The following TCF7L1 variants were observed in gnomAD, a reference collection of about 807,000 sequenced individuals.
TCF7L1 encodes transcription factor 7-like 1.
Under a neutral mutation model 63.7 loss-of-function variants are expected in TCF7L1, and 18 were observed. The ratio of observed to expected loss-of-function variants is 0.28; its 90% confidence interval spans 0.20 to 0.42. TCF7L1 has a LOEUF of 0.42. TCF7L1 is among the 10% of genes least tolerant of loss of function. The pLI is 1.00. For synonymous variants in TCF7L1, 355 were observed against 340.9 expected (o/e 1.04, Z -0.46); for missense variants, 654 against 779.3 (o/e 0.84, Z 1.91).
intron 3 of TCF7L1, among the ~76,000 whole-genome samples, chr2:85,157,915 G>A (rs1419652380): frequency 2.0e-5 from 3 of 152,190 alleles, no homozygotes; most frequent in South Asian, 2.1e-4. Flanking sequence ...GAGGTGAGGG[G>A]CAGTTAGTGG....
chr2:85,134,247 C>A lies in TCF7L1; in HGVS notation c.314-76C>A, dbSNP rs1167048415. 6.7e-7 allele frequency: 1 copy of A among 1,484,290 alleles called. No homozygotes were observed. The highest frequency in any genetic ancestry group is 2.5e-5 in the East Asian group (1 of 39,580). 91.9% of individuals were successfully genotyped at this position (1,484,290 alleles called of 1,614,324 possible). On this transcript the variant is annotated intron_variant, in intron 2 of 11. Coordinates refer to ENST00000282111, the MANE Select transcript of TCF7L1 (RefSeq NM_031283.3). The surrounding 1 kb of genome is among the most constrained non-coding windows in gnomAD (Gnocchi z 5.0). ...GTGGGGGGCGCTGGGGTCCCCAGCT[C>A]CCGCCTCGAGCCCCCTGCCGCGGCG... is the stretch of plus-strand genomic sequence containing the variant.
intron 3 of TCF7L1, among the ~76,000 whole-genome samples, chr2:85,145,025 C>T (rs1315857769): frequency 6.9e-6 from 1 of 144,870 alleles, no homozygotes; most frequent in East Asian, 2.0e-4. Flanking sequence ...GCAGAGGCTG[C>T]AGTGAGCCAA....
intron 3 of TCF7L1, among the ~76,000 whole-genome samples, chr2:85,206,498 T>C (rs1466063710): frequency 6.6e-6 from 1 of 152,256 alleles, no homozygotes; most frequent in Non-Finnish European, 1.5e-5. Context: ...GGCTCTGGGA[T>C]GGGTACTCTT....
At chr2:85,202,194 C>T (rs969469627) in intron 3 of TCF7L1, among the ~76,000 whole-genome samples, 1 of 152,054 alleles carries the variant, frequency 6.6e-6, no homozygotes, top group Non-Finnish European at 1.5e-5. Flanking sequence ...TAATCCTGAC[C>T]TCAAGTGATC....
At chr2:85,178,031 G>A (rs2104245853) in intron 3 of TCF7L1, among the ~76,000 whole-genome samples, 1 of 152,272 alleles carries the variant, frequency 6.6e-6, no homozygotes, top group South Asian at 2.1e-4. Context: ...CAGAGAGCAA[G>A]CAGATCAGTG....
intron 3 of TCF7L1, among the ~76,000 whole-genome samples, chr2:85,225,033 G>A (rs1254995091): frequency 6.6e-6 from 1 of 152,164 alleles, no homozygotes; most frequent in South Asian, 2.1e-4. Context: ...TTATTAAATA[G>A]GGAATCCTTT....
chr2:85,143,250 T>G (rs1677788871), intron 3 of TCF7L1, among the ~76,000 whole-genome samples: 1 of 152,204 alleles, frequency 6.6e-6, no homozygotes, highest in Non-Finnish European at 1.5e-5. Flanking sequence ...AAACATGAAA[T>G]TCACAAAAGA....
At chr2:85,254,152 A>G (rs560578258) in intron 3 of TCF7L1, among the ~76,000 whole-genome samples, 1 of 152,376 alleles carries the variant, frequency 6.6e-6, no homozygotes, top group African/African-American at 2.4e-5. Context: ...CTCATTAGGG[A>G]TAATCATTTG....
chr2:85,133,885 G>T lies in TCF7L1; in HGVS notation c.201G>T (p.Ser67=). 1 of 1,519,952 alleles carries T rather than the reference G, an allele frequency of 6.6e-7. No individual in the cohort carries two copies. Among genetic ancestry groups the T allele is most frequent in the Non-Finnish European group, 8.8e-7 (1 of 1,131,556 alleles). The allele number at this position is 1,519,952 out of a possible 1,614,324, so 94.2% of individuals were successfully genotyped here. A position where few individuals can be genotyped will look rare whatever the true frequency, so the allele number is the denominator to read the frequency against. ...SAQRDLDEVK[S]SLVNESENQS... ...AGCGGGACCTAGACGAGGTCAAGTCGTCCCTGGTCAACGAGTCGGAGAACC... is the reference window on the plus strand; with the variant it reads ...AGCGGGACCTAGACGAGGTCAAGTCTTCCCTGGTCAACGAGTCGGAGAACC... Residue 67 remains serine, a synonymous_variant, in exon 1 of 12, where the codon TCG becomes TCT. Coordinates refer to ENST00000282111, the MANE Select transcript of TCF7L1 (RefSeq NM_031283.3). This position sits in a 1 kb window ranked among gnomAD's most constrained non-coding sequence, Gnocchi z 4.4.
At chr2:85,269,209 G>A (rs4408730) in intron 3 of TCF7L1, among the ~76,000 whole-genome samples, 149,406 of 152,294 alleles carry the variant, frequency 0.98, 73,305 homozygotes, top group African/African-American at 1. Context: ...CAAACATGCA[G>A]TCCTACAACC....
At chr2:85,229,382 CT>C (rs112038013) in intron 3 of TCF7L1, among the ~76,000 whole-genome samples, 5 of 152,248 alleles carry the variant, frequency 3.3e-5, no homozygotes, top group African/African-American at 1.2e-4. Context: ...AGATTGGAAC[CT>C]TATTCTGAAG....
At chr2:85,287,633 A>C (rs748887090) in intron 4 of TCF7L1, among the ~76,000 whole-genome samples, 1 of 152,230 alleles carries the variant, frequency 6.6e-6, no homozygotes. Context: ...ACCGTAGTCT[A>C]TATTATAATA....
chr2:85,296,933 G>A (rs1681848028), intron 4 of TCF7L1, among the ~76,000 whole-genome samples: 1 of 152,166 alleles, frequency 6.6e-6, no homozygotes, highest in East Asian at 1.9e-4. Flanking sequence ...TTGAATTTAT[G>A]GATTGAAAGA....
chr2:85,144,717 C>CTGTG (rs1383351841), intron 3 of TCF7L1, among the ~76,000 whole-genome samples: 20 of 98,644 alleles, frequency 2.0e-4, no homozygotes, highest in Admixed American at 4.1e-4. Flanking sequence ...CTCTCTCTCT[C>CTGTG]TCTGTGTGTG....
chr2:85,220,016 T>C (rs960728258), intron 3 of TCF7L1, among the ~76,000 whole-genome samples: 3 of 152,222 alleles, frequency 2.0e-5, no homozygotes, highest in African/African-American at 7.2e-5. Context: ...GAAGGACAGA[T>C]GGGTGTTTAT....
intron 3 of TCF7L1, among the ~76,000 whole-genome samples, chr2:85,267,284 T>C (rs1680997669): frequency 6.7e-6 from 1 of 148,166 alleles, no homozygotes; most frequent in Non-Finnish European, 1.5e-5. Context: ...TGAACCAAGA[T>C]TGTGCCACTG....
At chr2:85,192,310 C>T (rs1468849708) in intron 3 of TCF7L1, among the ~76,000 whole-genome samples, 1 of 152,218 alleles carries the variant, frequency 6.6e-6, no homozygotes, top group African/African-American at 2.4e-5. Flanking sequence ...TCAGTCTAGT[C>T]ATCTGCAAAA....
At chr2:85,205,379 T>C (rs932094638) in intron 3 of TCF7L1, among the ~76,000 whole-genome samples, 1 of 152,192 alleles carries the variant, frequency 6.6e-6, no homozygotes, top group Non-Finnish European at 1.5e-5. Flanking sequence ...CTTCCGGCTG[T>C]AGCAATACCA....
intron 3 of TCF7L1, among the ~76,000 whole-genome samples, chr2:85,196,003 G>A (rs1468766423): frequency 6.6e-6 from 1 of 152,200 alleles, no homozygotes; most frequent in Non-Finnish European, 1.5e-5. Flanking sequence ...TGGGATGGCT[G>A]TGGACTCAAA....
Sources: allele counts gnomAD v4.1 joint callset (sites outside exome capture counted in the v4.1 genomes callset), GRCh38; gene constraint gnomAD v4.1.1; non-coding constraint Gnocchi (gnomAD v3.1); transcripts MANE v1.5; gene names NCBI Gene and HGNC (gene_info 2026-07-23, HGNC 2026-07-21).